The following RXFP1 variants were observed in gnomAD, a reference collection of about 807,000 sequenced individuals.
RXFP1 encodes the protein relaxin family peptide receptor 1, also known as relaxin receptor 1.
RXFP1 carries 73 observed loss-of-function variants against 89.8 expected under a neutral mutation model. The ratio of observed to expected loss-of-function variants is 0.81; its 90% confidence interval spans 0.67 to 0.99. The LOEUF is 0.99. Ranked by LOEUF, RXFP1 falls within the 50% of genes least tolerant of loss-of-function variation. The probability of loss-of-function intolerance (pLI) is 0.00; values close to 1 mark genes in which losing one functional copy is unlikely to be tolerated. For missense variants in RXFP1, 793 were observed against 895.5 expected (o/e 0.89, Z 1.46); for synonymous variants, 277 against 305.5 (o/e 0.91, Z 0.97).
intron 4 of RXFP1, among the ~76,000 whole-genome samples, chr4:158,600,893 G>T (rs1761559785): frequency 6.6e-6 from 1 of 151,898 alleles, no homozygotes; most frequent in South Asian, 2.1e-4. Context: ...CTTCTCCACT[G>T]CTTGTATCAA....
chr4:158,632,832 A>G (rs978936983), intron 11 of RXFP1, among the ~76,000 whole-genome samples: 1 of 152,206 alleles, frequency 6.6e-6, no homozygotes, highest in African/African-American at 2.4e-5. Context: ...CAAAGGAAGA[A>G]GGGGCACAAC....
intron 2 of RXFP1, among the ~76,000 whole-genome samples, chr4:158,589,609 C>T (rs541899456): frequency 3.5e-4 from 54 of 152,242 alleles, no homozygotes; most frequent in African/African-American, 1.2e-3. Flanking sequence ...CAACTAACCT[C>T]ATCAGACAGG....
intron 11 of RXFP1, among the ~76,000 whole-genome samples, chr4:158,629,681 C>T (rs556269795): frequency 1.3e-5 from 2 of 152,056 alleles, no homozygotes; most frequent in South Asian, 4.2e-4. Context: ...AGCTGAAGTG[C>T]AATGGTACAA....
intron 1 of RXFP1, among the ~76,000 whole-genome samples, chr4:158,525,131 G>T (rs770729477): frequency 6.6e-6 from 1 of 151,154 alleles, no homozygotes; most frequent in East Asian, 2.0e-4. Flanking sequence ...GAGAATGTTC[G>T]CATATTTATC....
intron 14 of RXFP1, among the ~76,000 whole-genome samples, chr4:158,639,837 G>A (rs1770011757): frequency 6.6e-6 from 1 of 152,088 alleles, no homozygotes; most frequent in Non-Finnish European, 1.5e-5. Context: ...TCCAGCCTGG[G>A]CGACAGAGTG....
intron 2 of RXFP1, among the ~76,000 whole-genome samples, chr4:158,577,099 C>T (rs1756411759): frequency 6.6e-6 from 1 of 151,940 alleles, no homozygotes; most frequent in African/African-American, 2.4e-5. Flanking sequence ...AGTGCAGTGG[C>T]GTGATCTCAG....
rs1408161702 is a variant in RXFP1 at position 158,653,290 on chromosome 4, A to G, written c.*1235A>G. On this transcript the variant is annotated 3_prime_UTR_variant, in exon 18 of 18. Coordinates refer to ENST00000307765, the MANE Select transcript of RXFP1 (RefSeq NM_021634.4). ...ATGTTTGAAACACAAAAATACTGGAATCAAACCATAATGCACTTATTGAAT... is the reference window on the plus strand; with the variant it reads ...ATGTTTGAAACACAAAAATACTGGAGTCAAACCATAATGCACTTATTGAAT... 3 of 152,360 alleles carry G rather than the reference A, an allele frequency of 2.0e-5. No individual in the cohort carries two copies. In the South Asian group the frequency reaches 6.2e-4, roughly 32 times the overall value. 9.4% of individuals were successfully genotyped at this position (152,360 alleles called of 1,614,324 possible).
At chr4:158,608,278 TC>T (rs1762892305) in intron 6 of RXFP1, among the ~76,000 whole-genome samples, 6 of 140,424 alleles carry the variant, frequency 4.3e-5, no homozygotes, top group Non-Finnish European at 7.5e-5. Context: ...TGTATTCCTT[TC>T]TTTTTTTTTT....
At chr4:158,562,510 C>A (rs535090553) in intron 1 of RXFP1, among the ~76,000 whole-genome samples, 72 of 88,952 alleles carry the variant, frequency 8.1e-4, no homozygotes, top group Non-Finnish European at 8.1e-4. Flanking sequence ...GGCGACAGAG[C>A]GAGACTCCGT....
At position 158,610,138 on chromosome 4, in the gene RXFP1, G is replaced by A. The variant is rs766903811; in HGVS notation, c.537-1992G>A. On this transcript the variant is annotated intron_variant, in intron 6 of 17. Transcript: ENST00000307765. ...AAATTAGCCGGGCATGGTGGCACACGCCTGTAGTCCCAGCTACTCAGGAGG... is the reference window on the plus strand; with the variant it reads ...AAATTAGCCGGGCATGGTGGCACACACCTGTAGTCCCAGCTACTCAGGAGG... 9.9e-5 allele frequency among the ~76,000 whole-genome samples: 15 copies of A among 152,162 alleles called. No individual in the cohort carries two copies. In the East Asian group the frequency reaches 2.3e-3, roughly 24 times the overall value.
At chr4:158,571,641 G>A (rs763771696) in intron 1 of RXFP1, among the ~76,000 whole-genome samples, 7 of 151,964 alleles carry the variant, frequency 4.6e-5, no homozygotes, top group Non-Finnish European at 7.4e-5. Flanking sequence ...CAGCCTGGGC[G>A]ACAAGAGTGA....
intron 1 of RXFP1, among the ~76,000 whole-genome samples, chr4:158,551,028 A>G (rs1300502331): frequency 6.6e-6 from 1 of 151,726 alleles, no homozygotes; most frequent in Non-Finnish European, 1.5e-5. Flanking sequence ...AGTCAATGTA[A>G]CGGACTATTA....
chr4:158,627,638 T>A (rs1767164492), intron 10 of RXFP1, among the ~76,000 whole-genome samples: 1 of 151,996 alleles, frequency 6.6e-6, no homozygotes, highest in South Asian at 2.1e-4. Context: ...ACAGGACCCC[T>A]GTATATAGGC....
At chr4:158,603,061 G>T (rs1761980760) in intron 4 of RXFP1, among the ~76,000 whole-genome samples, 1 of 152,126 alleles carries the variant, frequency 6.6e-6, no homozygotes, top group Non-Finnish European at 1.5e-5. Context: ...CTCCCAAGTA[G>T]TTGAGACTAC....
chr4:158,603,828 T>C (rs1364361168), intron 4 of RXFP1, among the ~76,000 whole-genome samples: 3 of 150,960 alleles, frequency 2.0e-5, no homozygotes, highest in Non-Finnish European at 4.4e-5. Flanking sequence ...AGGCAGAGGT[T>C]GCAGTGAGCC....
chr4:158,537,298 T>G (rs1745498983), intron 1 of RXFP1, among the ~76,000 whole-genome samples: 1 of 152,150 alleles, frequency 6.6e-6, no homozygotes, highest in African/African-American at 2.4e-5. Context: ...CTTAACTATC[T>G]CTTCCTTTCA....
chr4:158,638,535 C>A (rs184956750), intron 13 of RXFP1, among the ~76,000 whole-genome samples: 1 of 152,134 alleles, frequency 6.6e-6, no homozygotes, highest in Admixed American at 6.5e-5. Context: ...GGGCTGAGTG[C>A]AGTGGTTCAC....
chr4:158,563,616 C>T (rs577777971), intron 1 of RXFP1, among the ~76,000 whole-genome samples: 5 of 151,990 alleles, frequency 3.3e-5, no homozygotes, highest in African/African-American at 9.6e-5. Flanking sequence ...ATCAATGTAT[C>T]TCACAATCTG....
At chr4:158,610,640 G>A (rs970392382) in intron 6 of RXFP1, 135 of 1,280,788 alleles carry the variant, frequency 1.1e-4, no homozygotes, top group Non-Finnish European at 1.3e-4. Context: ...CAGGTCCAGA[G>A]CAGTAAAGGA....
Sources: gnomAD v4.1 joint callset for allele counts (sites outside exome capture counted in the v4.1 genomes callset) on GRCh38, gnomAD v4.1.1 for gene constraint, MANE v1.5 for transcripts, NCBI Gene and HGNC (gene_info 2026-07-23, HGNC 2026-07-21) for gene names.